Variants in MTSS2 observed in about 807,000 individuals in gnomAD.
The protein encoded by MTSS2 is protein MTSS 2.
MTSS2 carries 27 observed loss-of-function variants against 67.1 expected under a neutral mutation model. The observed-to-expected ratio is 0.40, with a 90% CI of 0.30 to 0.55. MTSS2 has a LOEUF of 0.55. MTSS2 is among the 20% of genes least tolerant of loss of function. The probability of loss-of-function intolerance (pLI) is 0.43; values close to 1 mark genes in which losing one functional copy is unlikely to be tolerated. For synonymous variants in MTSS2, 624 were observed against 468.6 expected (o/e 1.33, Z -4.28); for missense variants, 1,171 against 1,067.8 (o/e 1.10, Z -1.35).
At chr16:70,667,990 T>C (rs1030729945) in intron 11 of MTSS2, among the ~76,000 whole-genome samples, 4 of 151,332 alleles carry the variant, frequency 2.6e-5, no homozygotes, top group Non-Finnish European at 4.4e-5. Context: ...TTTTTTTTTT[T>C]CCTTTTGGTA....
intron 9 of MTSS2, 150 bp downstream of exon 9, chr16:70,677,642 C>A: frequency 1.6e-6 from 1 of 630,178 alleles, no homozygotes; most frequent in East Asian, 2.8e-5. Context: ...TCCGGGATGG[C>A]CTGCAGTGGG....
At chr16:70,665,649 C>G in intron 11 of MTSS2, 109 bp from the exon 12 acceptor site, 3 of 904,556 alleles carry the variant, frequency 3.3e-6, no homozygotes, top group Non-Finnish European at 3.3e-6. Context: ...GGGGGCGGTT[C>G]AATTCAGCGC....
In MTSS2 at chr16:70,664,389, A is replaced by G; in HGVS notation, c.1532T>C (p.Phe511Ser). 6.4e-7 allele frequency: 1 copy of G among 1,569,302 alleles called. No homozygotes were observed. The highest frequency in any genetic ancestry group is 8.6e-7 in the Non-Finnish European group (1 of 1,162,236). Reference sequence around the variant, plus strand: ...GCGCGGGATGGTGGATGACTTGTCAAACTCGGGCGGGCCCTCGCTGTCCGC... The same window carrying G: ...GCGCGGGATGGTGGATGACTTGTCAGACTCGGGCGGGCCCTCGCTGTCCGC... ...GDADSEGPPE[F>S]DKSSTIPRNS... Residue 511 changes from phenylalanine (F) to serine (S), a missense_variant, in exon 15 of 15, where the codon TTT (phenylalanine) becomes TCT (serine). Physicochemically the swap from Phe to Ser is radical, Grantham distance 155. Coordinates refer to ENST00000338779, the MANE Select transcript of MTSS2 (RefSeq NM_138383.3).
chr16:70,676,858 C>G lies in MTSS2; in HGVS notation c.830+23G>C, dbSNP rs746194218. On this transcript the variant is annotated intron_variant, in intron 10 of 14. Coordinates refer to ENST00000338779, the MANE Select transcript of MTSS2 (RefSeq NM_138383.3). ...TCTTGGGATACCGCCCCCCACACCCCTGGGAACCCCACCCCCACTGACCTG... is the reference window on the plus strand; with the variant it reads ...TCTTGGGATACCGCCCCCCACACCCGTGGGAACCCCACCCCCACTGACCTG... 4 of 1,608,144 alleles carry G rather than the reference C, an allele frequency of 2.5e-6. No homozygotes were observed. In the South Asian group the frequency reaches 4.4e-5, roughly 18 times the overall value.
Position 70,662,259 on chromosome 16 carries a change from A to C in MTSS2, c.*1418T>G, listed in dbSNP as rs2052510415. 1 of 152,378 alleles carries C rather than the reference A, an allele frequency of 6.6e-6. No individual in the cohort carries two copies. The highest frequency in any genetic ancestry group is 6.5e-5 in the Admixed American group (1 of 15,282). The allele number at this position is 152,378 out of a possible 1,614,324, so 9.4% of individuals were successfully genotyped here. A position where few individuals can be genotyped will look rare whatever the true frequency, so the allele number is the denominator to read the frequency against. ...CCAGGTAGGACCCTGCCCTGGGGCC[A>C]CGATGCCCTCTGAGCCCTGCTTTCC... On this transcript the variant is annotated 3_prime_UTR_variant, in exon 15 of 15. Coordinates refer to ENST00000338779, the MANE Select transcript of MTSS2 (RefSeq NM_138383.3).
At chr16:70,684,514 G>A (rs1256875596) in intron 1 of MTSS2, among the ~76,000 whole-genome samples, 1 of 152,198 alleles carries the variant, frequency 6.6e-6, no homozygotes, top group African/African-American at 2.4e-5. Flanking sequence ...ACTCCAACCT[G>A]CCAGCAACCC....
Position 70,664,650 on chromosome 16 carries a change from G to A in MTSS2, c.1419C>T (p.Tyr473=), listed in dbSNP as rs1006615581. ...SRDSLQYSSG[Y]STQTTTPSCS... is the part of the protein sequence containing the mutation. ...AGGAGGGCGTGGTGGTCTGCGTGCT[G>A]TAGCCGCTGGAGTACTGCAGCGAGT... The change falls in exon 14 of 15, where the codon TAC becomes TAT. Residue 473 remains tyrosine (Y), a synonymous_variant. Coordinates refer to ENST00000338779, the MANE Select transcript of MTSS2 (RefSeq NM_138383.3). The A allele has an allele frequency of 1.5e-5, 24 of 1,613,300 alleles. No homozygotes were observed. Among genetic ancestry groups the A allele is most frequent in the East Asian group, 6.7e-5 (3 of 44,870 alleles).
intron 11 of MTSS2, among the ~76,000 whole-genome samples, chr16:70,666,125 G>A (rs945265199): frequency 5.9e-5 from 9 of 152,182 alleles, no homozygotes; most frequent in East Asian, 1.9e-4. Flanking sequence ...GGCCAGGCCC[G>A]TGGCTGCTGA....
At chr16:70,672,559 C>G (rs891281560) in intron 11 of MTSS2, among the ~76,000 whole-genome samples, 2 of 150,568 alleles carry the variant, frequency 1.3e-5, no homozygotes, top group African/African-American at 4.9e-5. Context: ...TGGGGAGATT[C>G]TGGGAAGAGT....
intron 6 of MTSS2, 135 bp from the exon 7 acceptor site, chr16:70,679,458 C>A: frequency 7.7e-7 from 1 of 1,294,806 alleles, no homozygotes; most frequent in Non-Finnish European, 1.1e-6. Context: ...AGGTTCTGGA[C>A]CAGGTTTGGG....
intron 13 of MTSS2, 45 bp from the exon 14 acceptor site, chr16:70,664,808 C>T: frequency 6.4e-7 from 1 of 1,554,406 alleles, no homozygotes; most frequent in Non-Finnish European, 8.7e-7. Flanking sequence ...CCCCCAATCC[C>T]CTCTGCCCAA....
At chr16:70,675,260 A>C (rs2053079159) in intron 10 of MTSS2, among the ~76,000 whole-genome samples, 1 of 152,050 alleles carries the variant, frequency 6.6e-6, no homozygotes, top group African/African-American at 2.4e-5. Context: ...CTGTCTCTAC[A>C]AAATATATGA....
At chr16:70,664,491 C>T in intron 14 of MTSS2, 42 bp from the exon 15 acceptor site, 1 of 1,545,538 alleles carries the variant, frequency 6.5e-7, no homozygotes, top group East Asian at 2.3e-5. Context: ...CCCAGGTGGC[C>T]CCTTGCCCCC....
In MTSS2 at chr16:70,680,946, T is replaced by C. The variant is rs747084333; in HGVS notation, c.131+18A>G. 2 of 1,575,482 alleles carry C rather than the reference T, an allele frequency of 1.3e-6. No individual in the cohort carries two copies. The highest frequency in any genetic ancestry group is 2.3e-5 in the South Asian group (2 of 86,542). ...TCTGCCTGCCCCTCCCCTGCTGGGG[T>C]GCCCTGGGCCACCTCACCTCAGCTG... On this transcript the variant is annotated intron_variant, in intron 2 of 14. Coordinates refer to ENST00000338779, the MANE Select transcript of MTSS2 (RefSeq NM_138383.3).
intron 11 of MTSS2, chr16:70,665,745 G>T: frequency 3.8e-6 from 2 of 521,730 alleles, no homozygotes; most frequent in South Asian, 5.1e-5. Flanking sequence ...TGCACACGGT[G>T]AACGCTGACC....
At chr16:70,667,627 C>G (rs2052765962) in intron 11 of MTSS2, among the ~76,000 whole-genome samples, 1 of 152,182 alleles carries the variant, frequency 6.6e-6, no homozygotes, top group South Asian at 2.1e-4. Flanking sequence ...ACTCCCAGCA[C>G]TTTGGGAGGC....
At position 70,662,822 on chromosome 16, in the gene MTSS2, G is replaced by T. The variant is rs912842139; in HGVS notation, c.*855C>A. 6.6e-6 allele frequency: 1 copy of T among 152,464 alleles called. No homozygotes were observed. 9.4% of individuals were successfully genotyped at this position (152,464 alleles called of 1,614,324 possible). ...CACCCCCCGAAAGGTGGCTAAAACTGTGACCCCCAAAGTTAAAAGATTGAT... is the reference window on the plus strand; with the variant it reads ...CACCCCCCGAAAGGTGGCTAAAACTTTGACCCCCAAAGTTAAAAGATTGAT... On this transcript the variant is annotated 3_prime_UTR_variant, in exon 15 of 15. Transcript: ENST00000338779.
chr16:70,685,193 T>G (rs369260027), intron 1 of MTSS2, among the ~76,000 whole-genome samples: 28 of 99,096 alleles, frequency 2.8e-4, no homozygotes, highest in South Asian at 7.0e-4. Context: ...TGGAGCTTCC[T>G]GGGGCTGTGG....
At position 70,679,721 on chromosome 16, in the gene MTSS2, C is replaced by A; in HGVS notation, c.383-17G>T. On this transcript the variant is annotated splice_polypyrimidine_tract_variant and intron_variant, in intron 5 of 14. Coordinates refer to ENST00000338779, the MANE Select transcript of MTSS2 (RefSeq NM_138383.3). ...GTTTGTACTCTGCAGAAGGGGAGAG[C>A]GGAGCGCTCTAATGGGGTCCCTGCG... 4 of 1,610,336 alleles carry A rather than the reference C, an allele frequency of 2.5e-6. No homozygotes were observed. In the South Asian group the frequency reaches 3.3e-5, roughly 13 times the overall value.
Sources: allele counts gnomAD v4.1 joint callset (sites outside exome capture counted in the v4.1 genomes callset), GRCh38; gene constraint gnomAD v4.1.1; transcripts MANE v1.5; gene names NCBI Gene and HGNC (gene_info 2026-07-23, HGNC 2026-07-21).